The following OPCML variants were observed in gnomAD, a reference collection of about 807,000 sequenced individuals.
OPCML encodes opioid binding protein/cell adhesion molecule like, also known as opioid-binding protein/cell adhesion molecule.
A neutral mutation model predicts 37.8 loss-of-function variants in OPCML; 13 were observed. That is an observed-to-expected ratio of 0.34 (90% CI 0.22 to 0.55). OPCML has a LOEUF of 0.55. Ranked by LOEUF, OPCML falls within the 20% of genes least tolerant of loss-of-function variation. The pLI is 0.91. For missense variants in OPCML, 341 were observed against 435.6 expected (o/e 0.78, Z 1.93); for synonymous variants, 176 against 168.8 (o/e 1.04, Z -0.33).
At chr11:133,064,264 C>A (rs1313512834) in intron 1 of OPCML, among the ~76,000 whole-genome samples, 3 of 152,204 alleles carry the variant, frequency 2.0e-5, no homozygotes, top group Admixed American at 6.5e-5. Context: ...TAACTGATGC[C>A]GCCGGCACAG....
At chr11:133,433,875 A>G (rs1946177779) in intron 1 of OPCML, among the ~76,000 whole-genome samples, 1 of 152,124 alleles carries the variant, frequency 6.6e-6, no homozygotes, top group African/African-American at 2.4e-5. Context: ...GAATCCCTCA[A>G]ACTTGCACTC....
At chr11:133,091,429 T>C (rs1307692896) in intron 1 of OPCML, among the ~76,000 whole-genome samples, 1 of 152,094 alleles carries the variant, frequency 6.6e-6, no homozygotes, top group Non-Finnish European at 1.5e-5. Flanking sequence ...CCTGGGAAAG[T>C]CACAGTCACG....
intron 1 of OPCML, among the ~76,000 whole-genome samples, chr11:133,051,961 A>G (rs545989105): frequency 6.6e-6 from 1 of 152,254 alleles, no homozygotes; most frequent in African/African-American, 2.4e-5. Context: ...GTCAGCGGGG[A>G]GGAGATAAAC....
At chr11:133,062,284 G>A (rs74317823) in intron 1 of OPCML, among the ~76,000 whole-genome samples, 353 of 152,214 alleles carry the variant, frequency 2.3e-3, no homozygotes, top group Admixed American at 3.5e-3. Context: ...GGACAGACCC[G>A]AGTGAAAGGA....
intron 2 of OPCML, among the ~76,000 whole-genome samples, chr11:132,843,088 C>CTTT (rs1941366514): frequency 5.8e-5 from 3 of 51,650 alleles, no homozygotes; most frequent in African/African-American, 1.5e-4. Flanking sequence ...GTTCCTTTTT[C>CTTT]TTTCTTTTTT....
intron 1 of OPCML, among the ~76,000 whole-genome samples, chr11:133,246,157 G>T (rs955050717): frequency 6.6e-6 from 1 of 152,198 alleles, no homozygotes; most frequent in African/African-American, 2.4e-5. Context: ...TGGTGGGAAA[G>T]GAGCCCACTT....
chr11:132,502,152 C>T (rs1157085816), intron 4 of OPCML, among the ~76,000 whole-genome samples: 1 of 152,196 alleles, frequency 6.6e-6, no homozygotes, highest in South Asian at 2.1e-4. Context: ...CACCTTTACC[C>T]ACCACCCTCT....
At chr11:132,650,930 G>A (rs1013031518) in intron 3 of OPCML, among the ~76,000 whole-genome samples, 8 of 152,102 alleles carry the variant, frequency 5.3e-5, no homozygotes. Context: ...TTAAATGTTT[G>A]GGTAATATTT....
intron 2 of OPCML, among the ~76,000 whole-genome samples, chr11:132,923,549 A>AGCAAATT (rs1944884161): frequency 6.6e-6 from 1 of 152,162 alleles, no homozygotes; most frequent in Non-Finnish European, 1.5e-5. Flanking sequence ...AGGAAGAAAG[A>AGCAAATT]GCAAATTGCA....
At chr11:133,453,211 ATC>A (rs1946612613) in intron 1 of OPCML, among the ~76,000 whole-genome samples, 1 of 152,218 alleles carries the variant, frequency 6.6e-6, no homozygotes, top group African/African-American at 2.4e-5. Context: ...AATAAAATAA[ATC>A]TTCTCCCATG....
chr11:132,540,533 T>C (rs1394768593), intron 3 of OPCML, among the ~76,000 whole-genome samples: 2 of 152,214 alleles, frequency 1.3e-5, no homozygotes, highest in Non-Finnish European at 2.9e-5. Context: ...TGGTCTTATA[T>C]ACTCTGAGTG....
At chr11:132,818,937 TAATA>T (rs1021243943) in intron 2 of OPCML, among the ~76,000 whole-genome samples, 5 of 144,452 alleles carry the variant, frequency 3.5e-5, no homozygotes, top group African/African-American at 5.1e-5. Context: ...TAAAAAATAA[TAATA>T]AATAAATAAA....
intron 3 of OPCML, among the ~76,000 whole-genome samples, chr11:132,632,296 T>C (rs1475910320): frequency 2.8e-5 from 4 of 145,022 alleles, no homozygotes; most frequent in Non-Finnish European, 4.5e-5. Context: ...CACACAGTTG[T>C]GGAACTGTCG....
chr11:132,960,562 T>G (rs1946070552), intron 1 of OPCML, among the ~76,000 whole-genome samples: 1 of 152,158 alleles, frequency 6.6e-6, no homozygotes, highest in African/African-American at 2.4e-5. Flanking sequence ...AGCTGCCTCT[T>G]CTGCTCTATT....
intron 1 of OPCML, among the ~76,000 whole-genome samples, chr11:133,443,174 G>A (rs1226682295): frequency 6.6e-6 from 1 of 152,142 alleles, no homozygotes; most frequent in Admixed American, 6.5e-5. Flanking sequence ...TCATGGCAGG[G>A]ATACCCATCT....
intron 1 of OPCML, among the ~76,000 whole-genome samples, chr11:132,984,702 GCTGATTGGACCCCAGA>G (rs1946653515): frequency 6.6e-6 from 1 of 152,122 alleles, no homozygotes; most frequent in Admixed American, 6.5e-5. Context: ...ACCACTGACT[GCTGATTGGACCCCAGA>G]CAGTGAACAT....
At chr11:133,430,658 C>T (rs887679520) in intron 1 of OPCML, among the ~76,000 whole-genome samples, 17 of 152,134 alleles carry the variant, frequency 1.1e-4, no homozygotes, top group African/African-American at 3.6e-4. Context: ...ATACTACCGT[C>T]CAATGCATTT....
At chr11:133,527,780 G>A (rs1314916392) in intron 1 of OPCML, among the ~76,000 whole-genome samples, 2 of 152,206 alleles carry the variant, frequency 1.3e-5, no homozygotes, top group Non-Finnish European at 2.9e-5. Context: ...CTGAGACTTA[G>A]AGAATGCCTT....
chr11:132,739,082 C>T (rs551591048), intron 2 of OPCML, among the ~76,000 whole-genome samples: 14 of 152,282 alleles, frequency 9.2e-5, no homozygotes, highest in Non-Finnish European at 1.5e-4. Context: ...TCAGAAATGA[C>T]GCCAAGCAGA....
Sources: allele counts gnomAD v4.1 joint callset (sites outside exome capture counted in the v4.1 genomes callset), GRCh38; gene constraint gnomAD v4.1.1; transcripts MANE v1.5; gene names NCBI Gene and HGNC (gene_info 2026-07-23, HGNC 2026-07-21).